The following SHISA9 variants were observed in gnomAD, a reference collection of about 807,000 sequenced individuals.
SHISA9 encodes the protein protein shisa-9.
SHISA9 carries 13 observed loss-of-function variants against 38.0 expected under a neutral mutation model. The ratio of observed to expected loss-of-function variants is 0.34; its 90% CI spans 0.22 to 0.54. SHISA9 has a LOEUF of 0.54. Ranked by LOEUF, SHISA9 falls within the 20% of genes least tolerant of loss-of-function variation. SHISA9 has a pLI of 0.91. For missense variants in SHISA9, 538 were observed against 575.8 expected (o/e 0.93, Z 0.67); for synonymous variants, 275 against 242.0 (o/e 1.14, Z -1.27).
At chr16:13,134,065 C>T (rs1001979358) in intron 2 of SHISA9, among the ~76,000 whole-genome samples, 2 of 152,040 alleles carry the variant, frequency 1.3e-5, no homozygotes, top group African/African-American at 2.4e-5. Context: ...ATTGAGTGTC[C>T]ACTAGGTGTA....
At chr16:13,529,944 G>A in the SHISA9 span, among the ~76,000 whole-genome samples, 1 of 152,338 alleles carries the variant, frequency 6.6e-6, no homozygotes, top group Admixed American at 6.5e-5. Flanking sequence ...CAGCCAATGA[G>A]ACAAGAGCAG....
the SHISA9 span, among the ~76,000 whole-genome samples, chr16:13,316,560 G>T: frequency 6.6e-6 from 1 of 152,104 alleles, no homozygotes; most frequent in Non-Finnish European, 1.5e-5. Flanking sequence ...CCAGTACCAT[G>T]TTCCAGTCAT....
At chr16:13,404,630 G>A in the SHISA9 span, among the ~76,000 whole-genome samples, 1 of 152,036 alleles carries the variant, frequency 6.6e-6, no homozygotes, top group Non-Finnish European at 1.5e-5. Context: ...AGGGATATAG[G>A]GACTGCATCC....
At chr16:13,383,335 A>G in the SHISA9 span, among the ~76,000 whole-genome samples, 1 of 152,240 alleles carries the variant, frequency 6.6e-6, no homozygotes, top group Non-Finnish European at 1.5e-5. Context: ...GTAAAATACA[A>G]GATAATAATA....
At chr16:13,414,646 C>CTTTTTT in the SHISA9 span, among the ~76,000 whole-genome samples, 30 of 136,648 alleles carry the variant, frequency 2.2e-4, 6 homozygotes, top group Admixed American at 4.8e-4. Context: ...TTCTTTCTTT[C>CTTTTTT]TTTCTTTTTT....
At chr16:13,295,478 C>T in the SHISA9 span, among the ~76,000 whole-genome samples, 1 of 152,296 alleles carries the variant, frequency 6.6e-6, no homozygotes, top group African/African-American at 2.4e-5. Context: ...TTCTCCTGCC[C>T]TGGCATCGGC....
intron 2 of SHISA9, among the ~76,000 whole-genome samples, chr16:12,966,828 G>A (rs913600995): frequency 6.6e-6 from 1 of 152,182 alleles, no homozygotes; most frequent in Non-Finnish European, 1.5e-5. Context: ...TTTGAACATG[G>A]GAAAGACTCA....
chr16:13,187,143 G>T (rs1018209712), intron 2 of SHISA9, among the ~76,000 whole-genome samples: 2 of 152,096 alleles, frequency 1.3e-5, no homozygotes, highest in Non-Finnish European at 2.9e-5. Flanking sequence ...TGCCCTAGCA[G>T]ACTCTGGAAG....
the SHISA9 span, among the ~76,000 whole-genome samples, chr16:13,279,416 A>G: frequency 6.6e-6 from 1 of 151,952 alleles, no homozygotes; most frequent in Non-Finnish European, 1.5e-5. Context: ...CATTTGTTCC[A>G]AGGTATAGTT....
At chr16:13,381,512 C>T in the SHISA9 span, among the ~76,000 whole-genome samples, 1 of 152,122 alleles carries the variant, frequency 6.6e-6, no homozygotes, top group African/African-American at 2.4e-5. Context: ...CTTAAATGTA[C>T]TGAGTCATTT....
At chr16:13,074,668 CTTTTTT>C (rs947582644) in intron 2 of SHISA9, among the ~76,000 whole-genome samples, 3 of 141,112 alleles carry the variant, frequency 2.1e-5, no homozygotes, top group Admixed American at 7.1e-5. Flanking sequence ...TTTTCTTTTT[CTTTTTT>C]TTTTTTTGAG....
chr16:13,492,888 G>C, the SHISA9 span, among the ~76,000 whole-genome samples: 2 of 152,198 alleles, frequency 1.3e-5, no homozygotes, highest in Non-Finnish European at 2.9e-5. Context: ...AGGTTCTGGG[G>C]TTGGAAGGAG....
At chr16:13,336,759 C>T in the SHISA9 span, among the ~76,000 whole-genome samples, 1 of 152,124 alleles carries the variant, frequency 6.6e-6, no homozygotes, top group Admixed American at 6.6e-5. Flanking sequence ...TTTCATTCTG[C>T]CTGCATTGCT....
At chr16:13,007,530 A>G (rs2072614231) in intron 2 of SHISA9, among the ~76,000 whole-genome samples, 2 of 152,152 alleles carry the variant, frequency 1.3e-5, no homozygotes, top group African/African-American at 2.4e-5. Context: ...AGAGGAATCT[A>G]AGATCCCAAC....
At chr16:13,546,233 C>T in the SHISA9 span, among the ~76,000 whole-genome samples, 1 of 152,174 alleles carries the variant, frequency 6.6e-6, no homozygotes, top group Non-Finnish European at 1.5e-5. Flanking sequence ...ACCACCATCT[C>T]TTACCCAGAA....
At chr16:12,939,450 T>C (rs972729627) in intron 2 of SHISA9, among the ~76,000 whole-genome samples, 5 of 152,320 alleles carry the variant, frequency 3.3e-5, no homozygotes, top group African/African-American at 1.2e-4. Flanking sequence ...TTGTTGTTGG[T>C]GAAATACAAC....
intron 2 of SHISA9, among the ~76,000 whole-genome samples, chr16:13,026,011 G>A (rs1161220327): frequency 6.6e-6 from 1 of 152,060 alleles, no homozygotes; most frequent in Non-Finnish European, 1.5e-5. Flanking sequence ...CTCCATGTTG[G>A]TCAGGCTGGT....
At chr16:13,455,356 A>G in the SHISA9 span, among the ~76,000 whole-genome samples, 3 of 152,188 alleles carry the variant, frequency 2.0e-5, no homozygotes, top group Non-Finnish European at 2.9e-5. Flanking sequence ...AGCAAAGTCA[A>G]AGTCCATTTT....
At position 13,189,982 on chromosome 16, in the gene SHISA9, T is replaced by C. The variant is rs181058344; in HGVS notation, c.692-13412T>C. On this transcript the variant is annotated intron_variant, in intron 2 of 4. Coordinates refer to ENST00000558583, the MANE Select transcript of SHISA9 (RefSeq NM_001145204.3). ...AGGGGCAGAAACTAAACAGCCATAG[T>C]AGGCTGGGGCTATTGAGTGAAGGGG... is the stretch of plus-strand genomic sequence containing the variant. Among the ~76,000 whole-genome samples the C allele has an allele frequency of 3.4e-3, 511 of 152,156 alleles. 3 individuals carry two copies. The highest frequency in any genetic ancestry group is 0.012 in the African/African-American group (479 of 41,536).
Sources: gnomAD v4.1 joint callset for allele counts (sites outside exome capture counted in the v4.1 genomes callset) on GRCh38, gnomAD v4.1.1 for gene constraint, MANE v1.5 for transcripts, NCBI Gene and HGNC (gene_info 2026-07-23, HGNC 2026-07-21) for gene names.